The following NOL4 variants were observed in gnomAD, a reference collection of about 807,000 sequenced individuals.
NOL4 encodes the protein nucleolar protein 4.
Under a neutral mutation model 75.9 loss-of-function variants are expected in NOL4, and 17 were observed. The observed-to-expected ratio is 0.22, with a 90% CI of 0.15 to 0.34. The LOEUF is 0.34. Among genes scored for constraint, NOL4 ranks in the 10% least tolerant of loss-of-function variants. The probability of loss-of-function intolerance (pLI) is 1.00; values close to 1 mark genes in which losing one functional copy is unlikely to be tolerated. For missense variants in NOL4, 614 were observed against 793.5 expected (o/e 0.77, Z 2.72); for synonymous variants, 292 against 289.9 (o/e 1.01, Z -0.07).
At chr18:33,962,780 A>T (rs1183668082) in intron 6 of NOL4, among the ~76,000 whole-genome samples, 1 of 152,206 alleles carries the variant, frequency 6.6e-6, no homozygotes, top group Non-Finnish European at 1.5e-5. Context: ...TGAAATATTT[A>T]AAAATGTTAC....
chr18:34,034,878 T>C (rs1215622044), intron 5 of NOL4, among the ~76,000 whole-genome samples: 1 of 151,696 alleles, frequency 6.6e-6, no homozygotes, highest in African/African-American at 2.4e-5. Flanking sequence ...TATGTAATGA[T>C]AAAACAATAA....
intron 6 of NOL4, among the ~76,000 whole-genome samples, chr18:33,971,706 T>C (rs542505053): frequency 1.3e-5 from 2 of 152,128 alleles, no homozygotes; most frequent in African/African-American, 4.8e-5. Context: ...ACCGGGGCAC[T>C]GTTCCTGCCT....
intron 6 of NOL4, among the ~76,000 whole-genome samples, chr18:33,972,787 G>A (rs2071179816): frequency 6.6e-6 from 1 of 152,154 alleles, no homozygotes; most frequent in African/African-American, 2.4e-5. Flanking sequence ...TCTAAATAAA[G>A]CAATGCACAT....
At chr18:34,017,372 T>A (rs2074759371) in intron 6 of NOL4, among the ~76,000 whole-genome samples, 1 of 152,146 alleles carries the variant, frequency 6.6e-6, no homozygotes, top group Non-Finnish European at 1.5e-5. Context: ...TGCATAAATT[T>A]AAGATGTACA....
At chr18:34,180,031 C>T (rs2146323664) in intron 1 of NOL4, among the ~76,000 whole-genome samples, 1 of 151,484 alleles carries the variant, frequency 6.6e-6, no homozygotes, top group Middle Eastern at 3.4e-3. Flanking sequence ...GACCACATGG[C>T]TTCACTGGTG....
At chr18:34,200,075 A>G (rs1015140808) in intron 1 of NOL4, among the ~76,000 whole-genome samples, 1 of 151,878 alleles carries the variant, frequency 6.6e-6, no homozygotes, top group Non-Finnish European at 1.5e-5. Context: ...CCATCTACAG[A>G]GTGTCATCAC....
chr18:34,045,109 C>G (rs761460824), intron 5 of NOL4, among the ~76,000 whole-genome samples: 1 of 152,032 alleles, frequency 6.6e-6, no homozygotes, highest in African/African-American at 2.4e-5. Flanking sequence ...GACAGAGGCT[C>G]ACTCTGTTGA....
intron 9 of NOL4, among the ~76,000 whole-genome samples, chr18:33,931,175 A>C (rs1473043421): frequency 6.6e-6 from 1 of 152,184 alleles, no homozygotes; most frequent in Non-Finnish European, 1.5e-5. Flanking sequence ...AAGTGGAAAT[A>C]ACAGAGGCAT....
At chr18:34,183,252 T>C (rs2034187254) in intron 1 of NOL4, among the ~76,000 whole-genome samples, 1 of 151,096 alleles carries the variant, frequency 6.6e-6, no homozygotes, top group Non-Finnish European at 1.5e-5. Flanking sequence ...AACAAACACT[T>C]CACCAAATAA....
chr18:34,174,559 G>A (rs961642096), intron 1 of NOL4, among the ~76,000 whole-genome samples: 1 of 151,744 alleles, frequency 6.6e-6, no homozygotes, highest in Non-Finnish European at 1.5e-5. Context: ...AAGTTCTAGG[G>A]TACATGTGCA....
At chr18:33,855,087 G>T (rs1196607833) in intron 10 of NOL4, among the ~76,000 whole-genome samples, 1 of 152,006 alleles carries the variant, frequency 6.6e-6, no homozygotes, top group African/African-American at 2.4e-5. Flanking sequence ...GCTTTTTTCA[G>T]ATCTGCAGGA....
At chr18:33,885,465 C>A (rs578107169) in intron 9 of NOL4, among the ~76,000 whole-genome samples, 3 of 151,952 alleles carry the variant, frequency 2.0e-5, no homozygotes, top group African/African-American at 7.2e-5. Context: ...AGAGCTCAAA[C>A]AACTAGGGAA....
intron 2 of NOL4, among the ~76,000 whole-genome samples, chr18:34,105,550 T>C (rs1180602908): frequency 1.3e-5 from 2 of 152,030 alleles, no homozygotes; most frequent in African/African-American, 4.8e-5. Context: ...ATACTCTTTT[T>C]TGTAATTTAG....
chr18:34,047,618 T>C (rs1052576866), intron 5 of NOL4, among the ~76,000 whole-genome samples: 4 of 152,132 alleles, frequency 2.6e-5, no homozygotes, highest in African/African-American at 4.8e-5. Flanking sequence ...TTGAGGTAAT[T>C]AAGTTTTTGA....
intron 10 of NOL4, among the ~76,000 whole-genome samples, chr18:33,863,573 T>A (rs953943321): frequency 6.6e-6 from 1 of 152,098 alleles, no homozygotes; most frequent in Non-Finnish European, 1.5e-5. Context: ...ATCTTAAAGC[T>A]CTGAAATGAT....
intron 6 of NOL4, among the ~76,000 whole-genome samples, chr18:33,965,533 G>A (rs1240950708): frequency 2.0e-5 from 3 of 152,098 alleles, no homozygotes; most frequent in Admixed American, 2.0e-4. Context: ...ATCTTGAATT[G>A]CAGTTCCCAC....
intron 6 of NOL4, among the ~76,000 whole-genome samples, chr18:34,015,029 G>A (rs188806650): frequency 6.6e-6 from 1 of 152,138 alleles, no homozygotes; most frequent in East Asian, 1.9e-4. Context: ...CTCCAAGGAA[G>A]AAGAAATGTA....
At position 34,017,332 on chromosome 18, in the gene NOL4, A is replaced by G. The variant is rs190444793; in HGVS notation, c.1056+1986T>C. ...CTGAGTTGTCTCTGCTACCTACTCC[A>G]TTGCTGCAAGTATGCCAAGTATTTT... is the stretch of plus-strand genomic sequence containing the variant. On this transcript the variant is annotated intron_variant, in intron 6 of 10. Coordinates refer to ENST00000261592, the MANE Select transcript of NOL4 (RefSeq NM_003787.5). Among the ~76,000 whole-genome samples the G allele has an allele frequency of 1.3e-3, 199 of 152,246 alleles. No homozygotes were observed. In the South Asian group the frequency reaches 0.015, roughly 11 times the overall value.
intron 2 of NOL4, among the ~76,000 whole-genome samples, chr18:34,124,625 C>A (rs761622087): frequency 2.6e-5 from 4 of 152,134 alleles, no homozygotes; most frequent in Non-Finnish European, 5.9e-5. Context: ...AGAATCAAGG[C>A]TTGATGCGAT....
Sources: gnomAD v4.1 joint callset for allele counts (sites outside exome capture counted in the v4.1 genomes callset) on GRCh38, gnomAD v4.1.1 for gene constraint, MANE v1.5 for transcripts, NCBI Gene and HGNC (gene_info 2026-07-23, HGNC 2026-07-21) for gene names.